PTPRK: variants seen among roughly 807,000 people sequenced by gnomAD.
The protein encoded by PTPRK is receptor-type tyrosine-protein phosphatase kappa.
A neutral mutation model predicts 178.0 loss-of-function variants in PTPRK; 75 were observed. The ratio of observed to expected loss-of-function variants is 0.42; its 90% CI spans 0.35 to 0.51. The LOEUF (loss-of-function observed/expected upper bound fraction) is 0.51. Ranked by LOEUF, PTPRK falls within the 20% of genes least tolerant of loss-of-function variation. The pLI is 0.02. For synonymous variants in PTPRK, 637 were observed against 620.6 expected, an observed-to-expected ratio of 1.03 and a Z score of -0.39; for missense variants, 1,441 against 1,797.8, an observed-to-expected ratio of 0.80 and a Z score of 3.59.
intron 3 of PTPRK, among the ~76,000 whole-genome samples, chr6:128,281,948 G>A (rs770657604): frequency 6.6e-6 from 1 of 151,984 alleles, no homozygotes; most frequent in Admixed American, 6.6e-5. Context: ...AGAAATTAAA[G>A]GGAAGGTAAA....
intron 7 of PTPRK, among the ~76,000 whole-genome samples, chr6:128,109,105 T>C (rs1790211439): frequency 6.6e-6 from 1 of 152,098 alleles, no homozygotes; most frequent in Non-Finnish European, 1.5e-5. Context: ...CATGTGTCAA[T>C]GATTATATTT....
At chr6:128,301,726 A>G (rs1259908918) in intron 3 of PTPRK, among the ~76,000 whole-genome samples, 7 of 152,282 alleles carry the variant, frequency 4.6e-5, no homozygotes, top group Non-Finnish European at 8.8e-5. Context: ...TATGGTTTTA[A>G]TTCATCTGAA....
intron 7 of PTPRK, among the ~76,000 whole-genome samples, chr6:128,123,410 CT>C (rs112630652): frequency 6.6e-6 from 1 of 151,544 alleles, no homozygotes; most frequent in Non-Finnish European, 1.5e-5. Flanking sequence ...GAAATTTGTA[CT>C]TTTTTTTTCT....
chr6:128,441,074 T>C (rs1458746886), intron 1 of PTPRK, among the ~76,000 whole-genome samples: 1 of 152,188 alleles, frequency 6.6e-6, no homozygotes, highest in Non-Finnish European at 1.5e-5. Flanking sequence ...CACATCAAAT[T>C]TCTGAATATT....
At chr6:128,003,842 T>C (rs532702897) in intron 15 of PTPRK, among the ~76,000 whole-genome samples, 1 of 151,802 alleles carries the variant, frequency 6.6e-6, no homozygotes, top group Non-Finnish European at 1.5e-5. Context: ...TTATCTATAG[T>C]GAAATAAAAA....
intron 2 of PTPRK, among the ~76,000 whole-genome samples, chr6:128,392,118 C>T (rs1221272431): frequency 1.3e-5 from 2 of 152,110 alleles, no homozygotes; most frequent in Non-Finnish European, 2.9e-5. Context: ...TTTCTGTATA[C>T]CACCTGGCTC....
intron 2 of PTPRK, among the ~76,000 whole-genome samples, chr6:128,345,033 ATTTTTTT>A: frequency 6.9e-6 from 1 of 144,864 alleles, no homozygotes; most frequent in Non-Finnish European, 1.5e-5. Flanking sequence ...AAGCCAGGTG[ATTTTTTT>A]TTTTTTTTTT....
intron 13 of PTPRK, among the ~76,000 whole-genome samples, chr6:128,036,651 T>C (rs1441734378): frequency 6.6e-6 from 1 of 151,366 alleles, no homozygotes; most frequent in East Asian, 1.9e-4. Flanking sequence ...GGTAAAAAAA[T>C]AGATACATCA....
intron 16 of PTPRK, among the ~76,000 whole-genome samples, 176 bp downstream of exon 16, chr6:127,998,544 C>G (rs989334180): frequency 8.6e-5 from 13 of 151,672 alleles, no homozygotes; most frequent in African/African-American, 2.9e-4. Flanking sequence ...GCTTTTTTCC[C>G]CATTCCCTTC....
At chr6:128,226,159 T>C (rs1430065656) in intron 5 of PTPRK, among the ~76,000 whole-genome samples, 1 of 152,218 alleles carries the variant, frequency 6.6e-6, no homozygotes, top group Non-Finnish European at 1.5e-5. Flanking sequence ...ATTTGTGAGC[T>C]GAACAATTTC....
chr6:128,294,806 T>G (rs1383247249), intron 3 of PTPRK, among the ~76,000 whole-genome samples: 1 of 152,134 alleles, frequency 6.6e-6, no homozygotes, highest in East Asian at 1.9e-4. Flanking sequence ...ATATACATTC[T>G]ACTTCTGCTT....
chr6:128,121,340 A>G (rs17055324), intron 7 of PTPRK, among the ~76,000 whole-genome samples: 3,902 of 152,066 alleles, frequency 0.026, 76 homozygotes, highest in Middle Eastern at 0.092. Flanking sequence ...GATAGCTGCA[A>G]GTGATACAAA....
intron 2 of PTPRK, among the ~76,000 whole-genome samples, chr6:128,335,045 G>A (rs1367005080): frequency 1.3e-5 from 2 of 152,184 alleles, no homozygotes; most frequent in East Asian, 1.9e-4. Context: ...CCAAAGCCAT[G>A]CCACTGCACT....
chr6:128,258,887 A>G (rs1265894693), intron 3 of PTPRK, among the ~76,000 whole-genome samples: 2 of 152,180 alleles, frequency 1.3e-5, no homozygotes, highest in Non-Finnish European at 2.9e-5. Flanking sequence ...GGAGGCAGAG[A>G]GCAGAAGACA....
At chr6:128,460,713 A>G (rs1020398348) in intron 1 of PTPRK, among the ~76,000 whole-genome samples, 1 of 152,228 alleles carries the variant, frequency 6.6e-6, no homozygotes, top group Admixed American at 6.5e-5. Context: ...TAATGGAGAC[A>G]CAACTGCTGT....
chr6:128,363,679 G>T lies in PTPRK; in HGVS notation c.223+33887C>A, dbSNP rs537901134. The stretch of plus-strand genomic sequence containing the variant: ...TTCTCTTTCATCTGGGAATCAGTTT[G>T]CTGAACACTCATTTCTATCTACTAG... On this transcript the variant is annotated intron_variant, in intron 2 of 29. Transcript: ENST00000368226. Among the ~76,000 whole-genome samples the T allele has an allele frequency of 9.2e-5, 14 of 152,172 alleles. No individual in the cohort carries two copies. In the East Asian group the frequency reaches 1.5e-3, roughly 17 times the overall value.
rs534739495 is a variant in PTPRK, at chr6:128,015,305, T to G, written c.2195-6037A>C. Among the ~76,000 whole-genome samples, 31 of 151,878 alleles carry G rather than the reference T, an allele frequency of 2.0e-4. No homozygotes were observed. The East Asian group carries it at 6.0e-3, about 29-fold the overall frequency. ...TTTCATAGTAATGAAGAAGAAATGT[T>G]TTAATGTGCATATTAATTTTTCATC... On this transcript the variant is annotated intron_variant, in intron 13 of 29. Coordinates refer to ENST00000368226, the MANE Select transcript of PTPRK (RefSeq NM_002844.4).
intron 13 of PTPRK, among the ~76,000 whole-genome samples, chr6:128,011,130 G>A (rs1779006021): frequency 6.6e-6 from 1 of 151,216 alleles, no homozygotes; most frequent in African/African-American, 2.4e-5. Context: ...CATAGTCATT[G>A]CTTGTAACTC....
At chr6:128,091,430 C>T (rs1035239908) in intron 7 of PTPRK, among the ~76,000 whole-genome samples, 1 of 152,176 alleles carries the variant, frequency 6.6e-6, no homozygotes, top group African/African-American at 2.4e-5. Context: ...AAAACACAGT[C>T]TTTGCTATGA....
Sources: allele counts gnomAD v4.1 joint callset (sites outside exome capture counted in the v4.1 genomes callset), GRCh38; gene constraint gnomAD v4.1.1; transcripts MANE v1.5; gene names NCBI Gene and HGNC (gene_info 2026-07-23, HGNC 2026-07-21).